The following CUX1 variants were observed in gnomAD, a reference collection of about 807,000 sequenced individuals.
CUX1 encodes the protein cut like homeobox 1.
A neutral mutation model predicts 158.8 loss-of-function variants in CUX1; 31 were observed. The ratio of observed to expected loss-of-function variants is 0.20; its 90% CI spans 0.15 to 0.26. The LOEUF (loss-of-function observed/expected upper bound fraction) is 0.26, where lower values mean the gene tolerates loss of function less well. Among genes scored for constraint, CUX1 ranks in the 10% least tolerant of loss-of-function variants. The pLI, the probability that CUX1 is intolerant of heterozygous loss-of-function variation, is 1.00. For synonymous variants in CUX1, 879 were observed against 862.1 expected (o/e 1.02, Z -0.34); for missense variants, 1,589 against 2,014.6 (o/e 0.79, Z 4.04).
intron 8 of CUX1, among the ~76,000 whole-genome samples, chr7:102,132,469 C>A (rs1833402362): frequency 6.6e-6 from 1 of 151,822 alleles, no homozygotes; most frequent in Non-Finnish European, 1.5e-5. Flanking sequence ...TCCGTAACTT[C>A]CCCCTTCCCT....
intron 1 of CUX1, among the ~76,000 whole-genome samples, chr7:101,893,614 A>C (rs1352165223): frequency 1.3e-5 from 2 of 152,164 alleles, no homozygotes; most frequent in Non-Finnish European, 2.9e-5. Flanking sequence ...AAGTGGACAG[A>C]CCCAGTTGCA....
intron 3 of CUX1, among the ~76,000 whole-genome samples, chr7:102,066,584 C>T (rs1423018554): frequency 6.6e-6 from 1 of 152,158 alleles, no homozygotes; most frequent in East Asian, 1.9e-4. Flanking sequence ...TACCCTGAGT[C>T]GGAATACCTC....
downstream of CUX1, among the ~76,000 whole-genome samples, chr7:102,262,714 G>C (rs1023428714): frequency 2.0e-5 from 3 of 152,074 alleles, no homozygotes; most frequent in Non-Finnish European, 4.4e-5. Flanking sequence ...TGCAAAGAGG[G>C]CCAGCTGTGC....
intron 2 of CUX1, among the ~76,000 whole-genome samples, chr7:101,983,648 T>C (rs1380304649): frequency 1.3e-5 from 2 of 152,146 alleles, no homozygotes; most frequent in South Asian, 2.1e-4. Flanking sequence ...CCAGTCATGA[T>C]GGAAGGCAAA....
At position 102,253,198 on chromosome 7, in the gene CUX1, G is replaced by A. The variant is rs901787875; in HGVS notation, c.*4156G>A. On this transcript the variant is annotated 3_prime_UTR_variant, in exon 24 of 24. Transcript: ENST00000292535. ...GTTCAGGTCTGCTGGTTGGCGGTCC[G>A]GGCCCAGAGTGCAGCAGAGCTCTGG... 14 of 985,336 alleles carry A rather than the reference G, an allele frequency of 1.4e-5. No homozygotes were observed. Among genetic ancestry groups the A allele is most frequent in the Middle Eastern group, 5.2e-4 (1 of 1,936 alleles). The allele number at this position is 985,336 out of a possible 1,614,324, so 61.0% of individuals were successfully genotyped here.
intron 1 of CUX1, among the ~76,000 whole-genome samples, chr7:101,824,213 C>T (rs1157560360): frequency 6.6e-6 from 1 of 152,170 alleles, no homozygotes; most frequent in South Asian, 2.1e-4. Context: ...TCAGCCCCCC[C>T]GAGTAGCTGT....
chr7:102,249,682 G>A lies in CUX1; in HGVS notation c.*640G>A. ...TCTTAAACCAGGAAAAAATAAAAGG[G>A]GGGGTGGGATTTTTCAGAAAAATTA... On this transcript the variant is annotated 3_prime_UTR_variant, in exon 24 of 24. Coordinates refer to ENST00000292535, the MANE Select transcript of CUX1 (RefSeq NM_181552.4). 1.0e-6 allele frequency: 1 copy of A among 985,588 alleles called. No individual in the cohort carries two copies. The highest frequency in any genetic ancestry group is 1.2e-6 in the Non-Finnish European group (1 of 829,860). 61.1% of individuals were successfully genotyped at this position (985,588 alleles called of 1,614,324 possible).
intron 3 of CUX1, among the ~76,000 whole-genome samples, chr7:102,064,066 G>A (rs1311192911): frequency 6.6e-6 from 1 of 152,228 alleles, no homozygotes; most frequent in Non-Finnish European, 1.5e-5. Context: ...GGAGTGACTG[G>A]GTGTGGCAGG....
chr7:102,252,453 G>A lies in CUX1; in HGVS notation c.*3411G>A. On this transcript the variant is annotated 3_prime_UTR_variant, in exon 24 of 24. Coordinates refer to ENST00000292535, the MANE Select transcript of CUX1 (RefSeq NM_181552.4). ...TTGTACCTCTCCCCTGGGGGAAACG[G>A]TTCCATATAAAACACTAACACTTAA... The A allele has an allele frequency of 2.0e-6, 2 of 985,452 alleles. No homozygotes were observed. The highest frequency in any genetic ancestry group is 2.4e-6 in the Non-Finnish European group (2 of 829,944). The allele number at this position is 985,452 out of a possible 1,614,324, so 61.0% of individuals were successfully genotyped here.
chr7:102,181,767 C>T (rs1192841861), intron 11 of CUX1, among the ~76,000 whole-genome samples: 1 of 152,228 alleles, frequency 6.6e-6, no homozygotes, highest in Non-Finnish European at 1.5e-5. Flanking sequence ...AAGCATCTGA[C>T]TTCACCAAAC....
chr7:102,186,595 A>ATATT (rs1554515377), intron 11 of CUX1, among the ~76,000 whole-genome samples: 199 of 128,606 alleles, frequency 1.5e-3, no homozygotes, highest in Middle Eastern at 3.8e-3. Context: ...ATATATATAT[A>ATATT]TTTTTTTTTA....
chr7:101,900,141 C>CCATG (rs1346967500), intron 1 of CUX1, among the ~76,000 whole-genome samples: 2 of 152,174 alleles, frequency 1.3e-5, no homozygotes, highest in Non-Finnish European at 2.9e-5. Context: ...TCTGGGCAGC[C>CCATG]CATGAAGCAG....
In CUX1 at chr7:102,239,425, A is replaced by G. The variant is rs781970078; in HGVS notation, c.3728A>G (p.Gln1243Arg). Residue 1243 changes from glutamine to arginine, a missense_variant, in exon 23 of 24, where the codon CAG becomes CGG. This residue lies in a region of CUX1 where 259 missense variants were observed against 373.8 expected (regional missense o/e 0.69). Coordinates refer to ENST00000292535, the MANE Select transcript of CUX1 (RefSeq NM_181552.4). ...GGCGCCAGCCCCCAGCCCCAGCACC[A>G]GCTGAAGAAACCCCGGGTGGTGCTG... ...SQGASPQPQH[Q>R]LKKPRVVLAP... 1 of 1,613,954 alleles carries G rather than the reference A, an allele frequency of 6.2e-7. No individual in the cohort carries two copies. Among genetic ancestry groups the G allele is most frequent in the East Asian group, 2.2e-5 (1 of 44,878 alleles).
chr7:102,222,811 C>CTTTTTTT lies in CUX1; in HGVS notation c.3131-4536_3131-4530dup, dbSNP rs71123016. ...GGCTGTGTGTCTCGGGGCACCGTAT[C>CTTTTTTT]TTTTTTTTTTTTTTTTTTTTTTTTT... On this transcript the variant is annotated intron_variant, in intron 20 of 23. Transcript: ENST00000292535. Among the ~76,000 whole-genome samples, 7 of 25,526 alleles carry CTTTTTTT rather than the reference C, an allele frequency of 2.7e-4. 2 individuals carry two copies. Among genetic ancestry groups the CTTTTTTT allele is most frequent in the African/African-American group, 5.2e-4 (3 of 5,802 alleles). 16.7% of individuals were successfully genotyped at this position (25,526 alleles called of 152,430 possible).
At chr7:102,269,118 TTTTGTTTGTTTGTTTGTTTGTTTG>T (rs71123029) in intron 14 of CUX1, among the ~76,000 whole-genome samples, 9 of 147,892 alleles carry the variant, frequency 6.1e-5, no homozygotes, top group Non-Finnish European at 1.3e-4. Context: ...GTGTGGGTTT[TTTTGTTTGTTTGTTTGTTTGTTTG>T]TTTGTTTGTT....
chr7:102,231,342 T>A (rs1194064813), intron 21 of CUX1, among the ~76,000 whole-genome samples: 2 of 135,590 alleles, frequency 1.5e-5, no homozygotes, highest in South Asian at 2.4e-4. Flanking sequence ...TTTTTTTTTT[T>A]AAATAGAGAT....
chr7:102,007,540 T>G (rs1451913936), intron 2 of CUX1, among the ~76,000 whole-genome samples: 2 of 151,612 alleles, frequency 1.3e-5, no homozygotes, highest in African/African-American at 2.4e-5. Flanking sequence ...CACCACCAGA[T>G]CAGTTCCTGG....
chr7:101,951,101 G>A (rs762015071), intron 2 of CUX1, among the ~76,000 whole-genome samples: 40 of 152,252 alleles, frequency 2.6e-4, no homozygotes, highest in Non-Finnish European at 4.3e-4. Flanking sequence ...AGGCCAATGT[G>A]GGCAGATCAC....
At chr7:101,817,261 G>A, upstream of CUX1, 1 of 984,766 alleles carries the variant, frequency 1.0e-6, no homozygotes, top group Non-Finnish European at 1.2e-6. This position sits in a 1 kb window ranked among gnomAD's most constrained non-coding sequence, Gnocchi z 4.1. Flanking sequence ...TGGGGGCTCC[G>A]GCGGCCCCCG....
Sources: allele counts gnomAD v4.1 joint callset (sites outside exome capture counted in the v4.1 genomes callset), GRCh38; gene constraint gnomAD v4.1.1; regional missense constraint gnomAD v4.1.1; non-coding constraint Gnocchi (gnomAD v3.1); transcripts MANE v1.5; gene names NCBI Gene and HGNC (gene_info 2026-07-23, HGNC 2026-07-21).